SH3PXD2B: variants seen among roughly 807,000 people sequenced by gnomAD.
SH3PXD2B encodes the protein SH3 and PX domains 2B.
In SH3PXD2B, 37 loss-of-function variants were observed where a neutral mutation model predicts 73.1. That is an observed-to-expected ratio of 0.51 (90% confidence interval 0.39 to 0.67). The LOEUF (loss-of-function observed/expected upper bound fraction) is 0.67. SH3PXD2B is among the 30% of genes least tolerant of loss of function. The pLI, the probability that SH3PXD2B is intolerant of heterozygous loss-of-function variation, is 0.00. For synonymous variants in SH3PXD2B, 457 were observed against 480.5 expected (o/e 0.95, Z 0.64); for missense variants, 1,053 against 1,197.8 (o/e 0.88, Z 1.78).
chr5:172,343,866 G>GA (rs1756916647), intron 12 of SH3PXD2B, among the ~76,000 whole-genome samples: 1 of 151,018 alleles, frequency 6.6e-6, no homozygotes, highest in African/African-American at 2.4e-5. Context: ...TTTAAAACCA[G>GA]AAAGACCTGG....
At chr5:172,384,124 G>A (rs556640000) in intron 4 of SH3PXD2B, among the ~76,000 whole-genome samples, 48 of 152,154 alleles carry the variant, frequency 3.2e-4, no homozygotes, top group African/African-American at 1.1e-3. Context: ...GATTACAGGC[G>A]TGAGCCACTG....
chr5:172,358,893 T>G lies in SH3PXD2B; in HGVS notation c.563-16A>C. On this transcript the variant is annotated splice_polypyrimidine_tract_variant and intron_variant, in intron 7 of 12. Transcript: ENST00000311601. ...AACCACCAACCTGGGGAAGCAAGAG[T>G]GCAGAATGATGTTAGTTGCATCAAG... is the stretch of plus-strand genomic sequence containing the variant. The G allele has an allele frequency of 1.2e-6, 2 of 1,610,568 alleles. No homozygotes were observed. Among genetic ancestry groups the G allele is most frequent in the Non-Finnish European group, 1.7e-6 (2 of 1,177,776 alleles).
At position 172,353,612 on chromosome 5, in the gene SH3PXD2B, G is replaced by T. The variant is rs181890676; in HGVS notation, c.785+276C>A. Among the ~76,000 whole-genome samples, 45 of 152,298 alleles carry T rather than the reference G, an allele frequency of 3.0e-4. No homozygotes were observed. Among genetic ancestry groups the T allele is most frequent in the Non-Finnish European group, 1.5e-5 (1 of 68,022 alleles). ...CAACTCCTCATTATGAGAAACATCT[G>T]GAGGTGGAAACCAGCCTTGCTTAAT... On this transcript the variant is annotated intron_variant, in intron 9 of 12. Transcript: ENST00000311601. This position sits in a 1 kb window ranked among gnomAD's most constrained non-coding sequence, Gnocchi z 4.3.
chr5:172,437,083 A>G (rs1248882499), intron 1 of SH3PXD2B, among the ~76,000 whole-genome samples: 1 of 152,130 alleles, frequency 6.6e-6, no homozygotes, highest in African/African-American at 2.4e-5. Context: ...TGCTCTGGGA[A>G]TATGCTGTCT....
intron 9 of SH3PXD2B, among the ~76,000 whole-genome samples, chr5:172,351,466 T>C (rs1757157269): frequency 6.6e-6 from 1 of 152,144 alleles, no homozygotes. Flanking sequence ...GGGGCCAATC[T>C]AGACCAGGGG....
chr5:172,450,938 G>A (rs1458449207), intron 1 of SH3PXD2B, among the ~76,000 whole-genome samples: 1 of 152,186 alleles, frequency 6.6e-6, no homozygotes, highest in Non-Finnish European at 1.5e-5. Flanking sequence ...TGGCTCCAGG[G>A]AAAGGCTCTC....
At chr5:172,444,608 TG>T (rs1759621690) in intron 1 of SH3PXD2B, among the ~76,000 whole-genome samples, 1 of 152,236 alleles carries the variant, frequency 6.6e-6, no homozygotes, top group Non-Finnish European at 1.5e-5. Context: ...TTAATTGCCC[TG>T]GAATTTCAGG....
chr5:172,374,316 A>G (rs948641218), intron 5 of SH3PXD2B, among the ~76,000 whole-genome samples: 4 of 152,114 alleles, frequency 2.6e-5, no homozygotes, highest in Admixed American at 6.5e-5. Context: ...GGACACTACT[A>G]TGGGCTAGAA....
rs551524795 is a variant in SH3PXD2B at position 172,349,843 on chromosome 5, G to A, written c.1012+520C>T. Among the ~76,000 whole-genome samples, 21 of 152,164 alleles carry A rather than the reference G, an allele frequency of 1.4e-4. No individual in the cohort carries two copies. The South Asian group carries it at 2.3e-3, about 17-fold the overall frequency. On this transcript the variant is annotated intron_variant, in intron 10 of 12. Coordinates refer to ENST00000311601, the MANE Select transcript of SH3PXD2B (RefSeq NM_001017995.3). ...ATGCAACCTGGGATGGGAAAGCAAC[G>A]CCTCCCCTTTTTTTTTCTTTTTTTA...
chr5:172,415,164 G>A (rs116753646), intron 2 of SH3PXD2B, among the ~76,000 whole-genome samples: 1,614 of 152,272 alleles, frequency 0.011, 42 homozygotes, highest in African/African-American at 0.037. Flanking sequence ...GTTTAACTGC[G>A]CCTTCTGTGA....
At chr5:172,408,336 T>C (rs966438639) in intron 2 of SH3PXD2B, among the ~76,000 whole-genome samples, 8 of 152,050 alleles carry the variant, frequency 5.3e-5, no homozygotes, top group African/African-American at 1.9e-4. Flanking sequence ...GGCACAATCA[T>C]GGCTCACTGC....
chr5:172,401,773 C>T (rs563226555), intron 3 of SH3PXD2B, among the ~76,000 whole-genome samples: 1 of 152,284 alleles, frequency 6.6e-6, no homozygotes, highest in Admixed American at 6.5e-5. Context: ...CAACAAATGT[C>T]CATGAAGATT....
intron 1 of SH3PXD2B, among the ~76,000 whole-genome samples, chr5:172,432,603 T>G (rs1282250289): frequency 6.6e-6 from 1 of 152,126 alleles, no homozygotes; most frequent in Admixed American, 6.5e-5. Flanking sequence ...GTAGGCAAAT[T>G]CGCAAACATG....
intron 3 of SH3PXD2B, among the ~76,000 whole-genome samples, chr5:172,405,595 A>G (rs1380769384): frequency 6.6e-6 from 1 of 152,198 alleles, no homozygotes; most frequent in Non-Finnish European, 1.5e-5. Flanking sequence ...GAACTCTGCC[A>G]ACAATCTACG....
At position 172,363,118 on chromosome 5, in the gene SH3PXD2B, G is replaced by A. The variant is rs9313591; in HGVS notation, c.428-249C>T. Reference sequence around the variant, plus strand: ...AAGATATGGTACCTGCTCTGAAGATGTTGACAGCCTAGAGGGAAAGCTCAT... The same window carrying A: ...AAGATATGGTACCTGCTCTGAAGATATTGACAGCCTAGAGGGAAAGCTCAT... On this transcript the variant is annotated intron_variant, in intron 6 of 12. Transcript: ENST00000311601. Among the ~76,000 whole-genome samples, 10,820 of 152,198 alleles carry A rather than the reference G, an allele frequency of 0.071. 685 individuals carry two copies. Among genetic ancestry groups the A allele is most frequent in the African/African-American group, 0.17 (7,185 of 41,504 alleles).
Position 172,333,712 on chromosome 5 carries a change from G to A in SH3PXD2B, c.*4657C>T, listed in dbSNP as rs1312126862. 7.0e-6 allele frequency: 9 copies of A among 1,289,296 alleles called. No individual in the cohort carries two copies. In the East Asian group the frequency reaches 5.0e-4, roughly 72 times the overall value. The allele number at this position is 1,289,296 out of a possible 1,614,324, so 79.9% of individuals were successfully genotyped here. ...TTGCCAAGAGGGTAGAGTAAGTGTG[G>A]GGATCTCCAGCGTCATCCTATGAGC... On this transcript the variant is annotated 3_prime_UTR_variant, in exon 13 of 13. Coordinates refer to ENST00000311601, the MANE Select transcript of SH3PXD2B (RefSeq NM_001017995.3).
At chr5:172,446,843 G>A (rs1238751964) in intron 1 of SH3PXD2B, among the ~76,000 whole-genome samples, 2 of 152,214 alleles carry the variant, frequency 1.3e-5, no homozygotes, top group Admixed American at 1.3e-4. Flanking sequence ...GACTTGCTGA[G>A]CAAGGAACAT....
intron 1 of SH3PXD2B, among the ~76,000 whole-genome samples, chr5:172,451,663 C>T (rs937009069): frequency 1.3e-5 from 2 of 152,244 alleles, no homozygotes; most frequent in African/African-American, 4.8e-5. Context: ...AACTCCCCAG[C>T]TGATGCTGTC....
rs1217153529 is a variant in SH3PXD2B at position 172,346,211 on chromosome 5, T to C, written c.1113A>G (p.Glu371=). The C allele has an allele frequency of 8.7e-6, 14 of 1,614,024 alleles. No homozygotes were observed. The East Asian group carries it at 2.7e-4, about 31-fold the overall frequency. ...PKPPIPPQVE[E]EYYTIAEFQT... The stretch of plus-strand genomic sequence containing the variant: ...GGAATTCGGCGATGGTGTAATACTC[T>C]TCCTCCACTTGGGGCGGGATGGGCG... Residue 371 remains glutamate, a synonymous_variant, in exon 12 of 13, where the codon GAA becomes GAG. Coordinates refer to ENST00000311601, the MANE Select transcript of SH3PXD2B (RefSeq NM_001017995.3).
Sources: allele counts gnomAD v4.1 joint callset (sites outside exome capture counted in the v4.1 genomes callset), GRCh38; gene constraint gnomAD v4.1.1; non-coding constraint Gnocchi (gnomAD v3.1); transcripts MANE v1.5; gene names NCBI Gene and HGNC (gene_info 2026-07-23, HGNC 2026-07-21).